XXYLT1: variants seen among roughly 807,000 people sequenced by gnomAD.
The protein encoded by XXYLT1 is xyloside xylosyltransferase 1.
XXYLT1 carries 20 observed loss-of-function variants against 28.9 expected under a neutral mutation model. The ratio of observed to expected loss-of-function variants is 0.69; its 90% CI spans 0.49 to 1.00. The LOEUF is 1.00. Among genes scored for constraint, XXYLT1 ranks in the 50% least tolerant of loss-of-function variants. The probability of loss-of-function intolerance (pLI) is 0.00; values close to 1 mark genes in which losing one functional copy is unlikely to be tolerated. For synonymous variants in XXYLT1, 257 were observed against 253.8 expected, an observed-to-expected ratio of 1.01 and a Z score of -0.12; for missense variants, 542 against 560.1, an observed-to-expected ratio of 0.97 and a Z score of 0.33.
At chr3:195,101,485 CATAA>C (rs1459696160) in intron 3 of XXYLT1, among the ~76,000 whole-genome samples, 2 of 152,316 alleles carry the variant, frequency 1.3e-5, no homozygotes, top group Non-Finnish European at 2.9e-5. Context: ...CTATCACTTT[CATAA>C]ATATTTTAAA....
At chr3:195,263,922 G>A (rs780393890) in intron 1 of XXYLT1, among the ~76,000 whole-genome samples, 2 of 152,292 alleles carry the variant, frequency 1.3e-5, no homozygotes, top group South Asian at 2.1e-4. Flanking sequence ...TAGTGTCGAC[G>A]GGAAAAAGAG....
At chr3:195,095,905 C>G (rs1282534627) in intron 3 of XXYLT1, 1 of 152,194 alleles carries the variant, frequency 6.6e-6, no homozygotes, top group East Asian at 1.9e-4. Flanking sequence ...CTCTCTTTCC[C>G]TGCCCTGTTT....
rs1374706431 is a variant in XXYLT1 at position 195,107,532 on chromosome 3, G to GA, written c.786-37422dup. On this transcript the variant is annotated intron_variant, in intron 3 of 3. Coordinates refer to ENST00000310380, the MANE Select transcript of XXYLT1 (RefSeq NM_152531.5). Reference sequence around the variant, plus strand: ...AAGAAGAAGAAGGAGGAGGAAGGAGGAGGAGGGGGAGGAGGAGGGGGAAGA... The same window carrying GA: ...AAGAAGAAGAAGGAGGAGGAAGGAGGAAGGAGGGGGAGGAGGAGGGGGAAGA... 2.6e-3 allele frequency among the ~76,000 whole-genome samples: 47 copies of GA among 18,204 alleles called. 12 individuals carry two copies. Among genetic ancestry groups the GA allele is most frequent in the East Asian group, 3.5e-3 (5 of 1,416 alleles). The allele number at this position is 18,204 out of a possible 152,430, so 11.9% of individuals were successfully genotyped here. A position where few individuals can be genotyped will look rare whatever the true frequency, so the allele number is the denominator to read the frequency against.
At chr3:195,260,296 CCGCCCAA>C (rs1390896765) in intron 1 of XXYLT1, among the ~76,000 whole-genome samples, 1 of 151,760 alleles carries the variant, frequency 6.6e-6, no homozygotes, top group Admixed American at 6.6e-5. Context: ...GGGGCCAGCC[CCGCCCAA>C]CGCCCGACGC....
At chr3:195,103,018 T>A (rs372973869) in intron 3 of XXYLT1, among the ~76,000 whole-genome samples, 1 of 152,128 alleles carries the variant, frequency 6.6e-6, no homozygotes, top group East Asian at 1.9e-4. Context: ...TTCTATCAGG[T>A]GTGAAGTGAG....
intron 2 of XXYLT1, among the ~76,000 whole-genome samples, chr3:195,179,485 T>C (rs1030008856): frequency 3.2e-4 from 49 of 151,818 alleles, no homozygotes; most frequent in Non-Finnish European, 2.9e-5. Flanking sequence ...CAGAAAAGGA[T>C]ATGGAAGCTC....
At chr3:195,222,032 T>C (rs905788304) in intron 2 of XXYLT1, among the ~76,000 whole-genome samples, 1 of 152,218 alleles carries the variant, frequency 6.6e-6, no homozygotes, top group Admixed American at 6.5e-5. Context: ...TGGGCGCTCC[T>C]GCTCCAAGGG....
chr3:195,206,278 A>G (rs140450786), intron 2 of XXYLT1, among the ~76,000 whole-genome samples: 1 of 151,676 alleles, frequency 6.6e-6, no homozygotes, highest in Non-Finnish European at 1.5e-5. Flanking sequence ...CCGAAGTGCT[A>G]CGATTACAGG....
At chr3:195,269,768 G>C (rs1393273273) in intron 1 of XXYLT1, among the ~76,000 whole-genome samples, 1 of 152,134 alleles carries the variant, frequency 6.6e-6, no homozygotes, top group Non-Finnish European at 1.5e-5. Context: ...CAACTATTAG[G>C]TCAAAATCAA....
chr3:195,206,021 A>ATT (rs777561871), intron 2 of XXYLT1, among the ~76,000 whole-genome samples: 82 of 125,396 alleles, frequency 6.5e-4, no homozygotes, highest in Non-Finnish European at 8.8e-4. Flanking sequence ...TTAAAGTTTA[A>ATT]TTTTTTTTTT....
chr3:195,227,990 T>C (rs11923931), intron 1 of XXYLT1, among the ~76,000 whole-genome samples: 9,423 of 152,212 alleles, frequency 0.062, 1,004 homozygotes, highest in African/African-American at 0.21. Context: ...TTTCCTGTTG[T>C]TCCATGTGCC....
In XXYLT1 at chr3:195,115,807, C is replaced by T. The variant is rs950073340; in HGVS notation, c.785+40642G>A. 1.3e-5 allele frequency among the ~76,000 whole-genome samples: 2 copies of T among 152,136 alleles called. No homozygotes were observed. The highest frequency in any genetic ancestry group is 4.8e-5 in the African/African-American group (2 of 41,422). ...GTTATCTAGAGAGTAACTAACAGTG[C>T]TTTGTCAGAGGGCGAGAGGGTCTGA... On this transcript the variant is annotated intron_variant, in intron 3 of 3. Coordinates refer to ENST00000310380, the MANE Select transcript of XXYLT1 (RefSeq NM_152531.5). This position sits in a 1 kb window ranked among gnomAD's most constrained non-coding sequence, Gnocchi z 4.2.
intron 2 of XXYLT1, among the ~76,000 whole-genome samples, chr3:195,202,111 A>G (rs1379572519): frequency 1.3e-5 from 2 of 152,154 alleles, no homozygotes; most frequent in Admixed American, 6.5e-5. Context: ...TGGGAGGTGG[A>G]GGTTGCAGTG....
At chr3:195,139,081 C>T (rs1417238545) in intron 3 of XXYLT1, among the ~76,000 whole-genome samples, 1 of 151,998 alleles carries the variant, frequency 6.6e-6, no homozygotes, top group Non-Finnish European at 1.5e-5. Flanking sequence ...GGAGTAGCTG[C>T]CCCCAGTGTC....
At chr3:195,220,704 C>G (rs11918729) in intron 2 of XXYLT1, among the ~76,000 whole-genome samples, 6,964 of 152,236 alleles carry the variant, frequency 0.046, 560 homozygotes, top group African/African-American at 0.16. Flanking sequence ...ATGAATGGAG[C>G]CTATCGCATG....
Position 195,076,867 on chromosome 3 carries a change from C to T in XXYLT1, c.786-6756G>A, listed in dbSNP as rs1329299035. ...GCCAGCCATAAGGATCCGGGCCTGC[C>T]CTACCCCAGCAGAACCTCATCTCAA... On this transcript the variant is annotated intron_variant, in intron 3 of 3. Transcript: ENST00000310380. The surrounding 1 kb of genome is among the most constrained non-coding windows in gnomAD (Gnocchi z 5.3). 6.6e-6 allele frequency among the ~76,000 whole-genome samples: 1 copy of T among 152,172 alleles called. No homozygotes were observed. Among genetic ancestry groups the T allele is most frequent in the Non-Finnish European group, 1.5e-5 (1 of 68,028 alleles).
intron 1 of XXYLT1, among the ~76,000 whole-genome samples, chr3:195,254,720 G>A (rs561332149): frequency 6.6e-6 from 1 of 152,228 alleles, no homozygotes; most frequent in African/African-American, 2.4e-5. Context: ...GTGGGACACA[G>A]ACCTGCAGGG....
At chr3:195,147,557 A>C (rs1189758037) in intron 3 of XXYLT1, among the ~76,000 whole-genome samples, 2 of 152,198 alleles carry the variant, frequency 1.3e-5, no homozygotes, top group Non-Finnish European at 2.9e-5. Context: ...GCGACAAGAA[A>C]GAAACTATGT....
chr3:195,120,795 C>T (rs114037454), intron 3 of XXYLT1, among the ~76,000 whole-genome samples: 8 of 152,174 alleles, frequency 5.3e-5, no homozygotes, highest in East Asian at 1.9e-4. Flanking sequence ...GGCAAGCTCA[C>T]GGCACCTGAG....
Sources: allele counts gnomAD v4.1 joint callset (sites outside exome capture counted in the v4.1 genomes callset), GRCh38; gene constraint gnomAD v4.1.1; non-coding constraint Gnocchi (gnomAD v3.1); transcripts MANE v1.5; gene names NCBI Gene and HGNC (gene_info 2026-07-23, HGNC 2026-07-21).